The following PELP1 variants were observed in gnomAD, a reference collection of about 807,000 sequenced individuals.
PELP1 encodes proline-, glutamic acid- and leucine-rich protein 1.
PELP1 carries 32 observed loss-of-function variants against 95.5 expected under a neutral mutation model. The observed-to-expected ratio is 0.34, with a 90% CI of 0.25 to 0.45. The LOEUF is 0.45. PELP1 is among the 20% of genes least tolerant of loss of function. PELP1 has a pLI of 1.00. For missense variants in PELP1, 1,358 were observed against 1,444.8 expected (o/e 0.94, Z 0.97); for synonymous variants, 668 against 600.1 (o/e 1.11, Z -1.65).
intron 1 of PELP1, among the ~76,000 whole-genome samples, chr17:4,702,480 T>C (rs1016909611): frequency 6.6e-6 from 1 of 152,116 alleles, no homozygotes. Flanking sequence ...CCCACTGTAA[T>C]ATAACTGACT....
At chr17:4,689,159 T>A (rs1913007258) in intron 3 of PELP1, among the ~76,000 whole-genome samples, 1 of 152,210 alleles carries the variant, frequency 6.6e-6, no homozygotes, top group East Asian at 1.9e-4. Context: ...AGAATGAAAC[T>A]GGATCACTCT....
chr17:4,687,294 G>C (rs569454691), intron 3 of PELP1, among the ~76,000 whole-genome samples: 4 of 152,046 alleles, frequency 2.6e-5, no homozygotes, highest in Admixed American at 6.6e-5. Flanking sequence ...CCTGTAATCC[G>C]AGCACTCTGG....
chr17:4,701,726 G>A (rs540437999), intron 1 of PELP1, among the ~76,000 whole-genome samples: 37 of 152,246 alleles, frequency 2.4e-4, no homozygotes, highest in Non-Finnish European at 4.6e-4. Context: ...AATTCTCTGA[G>A]GGAAAGGACC....
In PELP1 at chr17:4,676,113, T is replaced by G. The variant is rs1912461160; in HGVS notation, c.903A>C (p.Glu301Asp). 5 of 1,613,864 alleles carry G rather than the reference T, an allele frequency of 3.1e-6. No homozygotes were observed. The highest frequency in any genetic ancestry group is 4.2e-6 in the Non-Finnish European group (5 of 1,179,906). Residue 301 changes from glutamate (E) to aspartate (D), a missense_variant, in exon 8 of 17, where the codon GAA (glutamate) becomes GAC (aspartate). This residue lies in a region of PELP1 where 538 missense variants were observed against 628.1 expected (regional missense o/e 0.86). Transcript: ENST00000572293. Reference sequence around the variant, plus strand: ...GGAGAAGGACATGGGCATCACCATCTTCTGAGGACAGCAGCATCTCCACCC... The same window carrying G: ...GGAGAAGGACATGGGCATCACCATCGTCTGAGGACAGCAGCATCTCCACCC... ...GPGVEMLLSS[E>D]DGDAHVLLQL...
chr17:4,682,275 T>C (rs569289281), intron 5 of PELP1, among the ~76,000 whole-genome samples: 1 of 152,324 alleles, frequency 6.6e-6, no homozygotes, highest in East Asian at 1.9e-4. Flanking sequence ...ATCAAACAGA[T>C]ACAGGTTCCA....
At chr17:4,674,756 A>T in intron 12 of PELP1, 53 bp downstream of exon 12, 1 of 1,588,540 alleles carries the variant, frequency 6.3e-7, no homozygotes, top group South Asian at 1.1e-5. Context: ...GAGCAGGCAC[A>T]CTTGGTCAAA....
At position 4,704,000 on chromosome 17, in the gene PELP1, G is replaced by C. The variant is rs773400079; in HGVS notation, c.112C>G (p.Leu38Val). The change falls in exon 1 of 17, where the codon CTG becomes GTG. Residue 38 changes from leucine (L) to valine (V), a missense_variant. This residue lies in a region of PELP1 where 169 missense variants were observed against 134.9 expected (regional missense o/e 1.25). Transcript: ENST00000572293. ...SSGPRLRLLL[L>V]ESVSGLLQPR... ...TGCAGCAAACCAGAAACACTCTCCA[G>C]CAGCAGCAGGCGGAGCCGCGGGCCC... 9.9e-6 allele frequency: 16 copies of C among 1,613,050 alleles called. No individual in the cohort carries two copies. In the Admixed American group the frequency reaches 1.8e-4, roughly 18 times the overall value.
At position 4,673,945 on chromosome 17, in the gene PELP1, TG is replaced by T; in HGVS notation, c.1583-272del. On this transcript the variant is annotated intron_variant, in intron 13 of 16. Coordinates refer to ENST00000572293, the MANE Select transcript of PELP1 (RefSeq NM_014389.3). The surrounding 1 kb of genome is among the most constrained non-coding windows in gnomAD (Gnocchi z 5.7). ...GGAACAATCGGTTCTCCCCTTCCCA[TG>T]GGATGGGGTGGCAGGCAGTGAAATA... 1 of 439,734 alleles carries T rather than the reference TG, an allele frequency of 2.3e-6. No individual in the cohort carries two copies. Among genetic ancestry groups the T allele is most frequent in the African/African-American group, 2.0e-5 (1 of 50,568 alleles). The allele number at this position is 439,734 out of a possible 1,614,324, so 27.2% of individuals were successfully genotyped here.
intron 3 of PELP1, among the ~76,000 whole-genome samples, chr17:4,689,039 A>G (rs1913003443): frequency 6.6e-6 from 1 of 152,234 alleles, no homozygotes; most frequent in Non-Finnish European, 1.5e-5. Context: ...CCAGATATAA[A>G]GCCAAATACT....
chr17:4,684,242 A>G (rs1202048501), intron 3 of PELP1, among the ~76,000 whole-genome samples: 1 of 152,156 alleles, frequency 6.6e-6, no homozygotes, highest in East Asian at 1.9e-4. Context: ...ACAGGCCCTC[A>G]TCCCTGTCCA....
chr17:4,679,315 G>C (rs1272276064), intron 5 of PELP1, among the ~76,000 whole-genome samples: 1 of 152,118 alleles, frequency 6.6e-6, no homozygotes, highest in Admixed American at 6.6e-5. Context: ...AAGGACACAG[G>C]AACATTTGTT....
chr17:4,698,603 C>T (rs920568715), intron 1 of PELP1, among the ~76,000 whole-genome samples: 3 of 145,214 alleles, frequency 2.1e-5, no homozygotes, highest in Non-Finnish European at 4.5e-5. Context: ...GATCATGCCA[C>T]GGCACTCCAG....
At position 4,673,718 on chromosome 17, in the gene PELP1, C is replaced by T; in HGVS notation, c.1583-44G>A. The T allele has an allele frequency of 6.4e-7, 1 of 1,567,970 alleles. No individual in the cohort carries two copies. The highest frequency in any genetic ancestry group is 8.8e-7 in the Non-Finnish European group (1 of 1,138,004). ...GTGTAAAGGGTAGGCTCCCAACAGA[C>T]TGACGGCAAGGGCTTCTGAAGCATA... is the stretch of plus-strand genomic sequence containing the variant. On this transcript the variant is annotated intron_variant, in intron 13 of 16. Transcript: ENST00000572293. This position sits in a 1 kb window ranked among gnomAD's most constrained non-coding sequence, Gnocchi z 5.7.
Position 4,671,179 on chromosome 17 carries a change from T to C in PELP1, c.*260A>G, listed in dbSNP as rs898355440. The C allele has an allele frequency of 1.9e-6, 1 of 529,382 alleles. No homozygotes were observed. The highest frequency in any genetic ancestry group is 3.4e-6 in the Non-Finnish European group (1 of 296,080). The allele number at this position is 529,382 out of a possible 1,614,324, so 32.8% of individuals were successfully genotyped here. A position where few individuals can be genotyped will look rare whatever the true frequency, so the allele number is the denominator to read the frequency against. On this transcript the variant is annotated 3_prime_UTR_variant, in exon 17 of 17. Coordinates refer to ENST00000572293, the MANE Select transcript of PELP1 (RefSeq NM_014389.3). ...TACACACAATTCTGCACGTTTAGCA[T>C]CCAGCCAGAATCCTACAATTCTGAC...
rs142040759 is a variant in PELP1, at chr17:4,703,995, C to T, written c.117G>A (p.Glu39=). Residue 39 remains glutamate, a synonymous_variant, in exon 1 of 17, where the codon GAG becomes GAA. Coordinates refer to ENST00000572293, the MANE Select transcript of PELP1 (RefSeq NM_014389.3). The stretch of plus-strand genomic sequence containing the variant: ...GAGGTTGCAGCAAACCAGAAACACT[C>T]TCCAGCAGCAGCAGGCGGAGCCGCG... ...SGPRLRLLLL[E]SVSGLLQPRT... The T allele has an allele frequency of 5.1e-4, 820 of 1,613,526 alleles. 1 individual carries two copies. In the African/African-American group the frequency reaches 9.4e-3, roughly 19 times the overall value.
intron 3 of PELP1, among the ~76,000 whole-genome samples, chr17:4,690,337 G>A (rs1366217289): frequency 1.3e-5 from 2 of 152,108 alleles, no homozygotes; most frequent in East Asian, 3.9e-4. Flanking sequence ...CACTGCTCGG[G>A]TGATGGGTGC....
intron 5 of PELP1, among the ~76,000 whole-genome samples, chr17:4,678,478 G>A (rs1175452420): frequency 2.0e-5 from 3 of 152,088 alleles, no homozygotes; most frequent in East Asian, 1.9e-4. Flanking sequence ...CTCCAAAAAC[G>A]GCTCAAAAAG....
intron 2 of PELP1, 72 bp from the exon 3 acceptor site, chr17:4,691,065 T>G (rs1913078899): frequency 9.3e-7 from 1 of 1,073,780 alleles, no homozygotes; most frequent in Non-Finnish European, 1.4e-6. Context: ...GCTCTTTTAT[T>G]CTCACTAGGC....
intron 1 of PELP1, among the ~76,000 whole-genome samples, chr17:4,699,897 A>ATATTT (rs1913450326): frequency 1.2e-5 from 1 of 86,740 alleles, no homozygotes; most frequent in African/African-American, 4.7e-5. Context: ...CTAGAGGGTG[A>ATATTT]TTTTTTTTTT....
Sources: gnomAD v4.1 joint callset for allele counts (sites outside exome capture counted in the v4.1 genomes callset) on GRCh38, gnomAD v4.1.1 for gene constraint, gnomAD v4.1.1 regional missense constraint, Gnocchi (gnomAD v3.1) non-coding constraint, MANE v1.5 for transcripts, NCBI Gene and HGNC (gene_info 2026-07-23, HGNC 2026-07-21) for gene names.